The following UNC13A variants were observed in gnomAD, a reference collection of about 807,000 sequenced individuals.
The protein encoded by UNC13A is unc-13 homolog A, also known as protein unc-13 homolog A.
Under a neutral mutation model 219.7 loss-of-function variants are expected in UNC13A, and 61 were observed. That is an observed-to-expected ratio of 0.28 (90% CI 0.23 to 0.34). The LOEUF (loss-of-function observed/expected upper bound fraction) is 0.34. Ranked by LOEUF, UNC13A falls within the 10% of genes least tolerant of loss-of-function variation. UNC13A has a pLI of 1.00. For synonymous variants in UNC13A, 920 were observed against 884.6 expected (o/e 1.04, Z -0.71); for missense variants, 1,476 against 2,270.3 (o/e 0.65, Z 7.11).
rs1031026653 is a variant in UNC13A, at chr19:17,637,062, G to A, written c.3082-905C>T. Among the ~76,000 whole-genome samples the A allele has an allele frequency of 4.7e-5, 7 of 148,454 alleles. No homozygotes were observed. The East Asian group carries it at 6.0e-4, about 13-fold the overall frequency. On this transcript the variant is annotated intron_variant, in intron 25 of 43. Transcript: ENST00000519716. ...TGCAATCATGGCTCACCATAGACTC[G>A]AACTCCTGGGCTCAAGTGATCCTTC...
At chr19:17,633,888 CCCATCCAT>C (rs779313741) in intron 26 of UNC13A, among the ~76,000 whole-genome samples, 1 of 144,894 alleles carries the variant, frequency 6.9e-6, no homozygotes, top group Non-Finnish European at 1.5e-5. Context: ...CATCTATCCA[CCCATCCAT>C]CCATCCATCC....
At position 17,668,150 on chromosome 19, in the gene UNC13A, C is replaced by T. The variant is rs1301747296; in HGVS notation, c.435G>A (p.Leu145=). ...GGTCCCGCATAGCATTGAGCTGCTC[C>T]AGCTTCTTGGCCCAGTAGCGAGCCT... ...EEEARYWAKK[L]EQLNAMRDQD... Residue 145 remains leucine (L), a synonymous_variant, in exon 6 of 44, where the codon CTG becomes CTA. Transcript: ENST00000519716. 6.2e-7 allele frequency: 1 copy of T among 1,613,744 alleles called. No individual in the cohort carries two copies. The highest frequency in any genetic ancestry group is 1.1e-5 in the South Asian group (1 of 91,074).
Position 17,656,164 on chromosome 19 carries a change from C to T in UNC13A, c.1002G>A (p.Glu334=). ...LEEDLEDFLE[E]EELPEDEEEL... ...CCTCCTCATCTTCAGGCAGCTCCTC[C>T]TCCTCCAGGAAGTCCTCCAGGTCCT... is the stretch of plus-strand genomic sequence containing the variant. The change falls in exon 10 of 44, where the codon GAG becomes GAA. Residue 334 remains glutamate, a synonymous_variant. Coordinates refer to ENST00000519716, the MANE Select transcript of UNC13A (RefSeq NM_001080421.3). The T allele has an allele frequency of 6.4e-7, 1 of 1,552,326 alleles. No homozygotes were observed. The highest frequency in any genetic ancestry group is 8.7e-7 in the Non-Finnish European group (1 of 1,147,158).
chr19:17,672,029 T>A (rs1419185268), intron 4 of UNC13A, among the ~76,000 whole-genome samples: 3 of 152,132 alleles, frequency 2.0e-5, no homozygotes, highest in East Asian at 1.9e-4. Context: ...TTTCCCAGAA[T>A]CCCTTGCAGC....
rs553163623 is a variant in UNC13A, at chr19:17,647,107, G to A, written c.2044+158C>T. Among the ~76,000 whole-genome samples, 26 of 152,328 alleles carry A rather than the reference G, an allele frequency of 1.7e-4. No homozygotes were observed. The South Asian group carries it at 4.1e-3, about 24-fold the overall frequency. On this transcript the variant is annotated intron_variant, in intron 17 of 43. Coordinates refer to ENST00000519716, the MANE Select transcript of UNC13A (RefSeq NM_001080421.3). Reference sequence around the variant, plus strand: ...TGAACAGGCGTTTGGAGGCACGCATGTCCCCCCATATGCGTGCACACACGG... The same window carrying A: ...TGAACAGGCGTTTGGAGGCACGCATATCCCCCCATATGCGTGCACACACGG...
chr19:17,648,186 C>G (rs1354890571), intron 16 of UNC13A, among the ~76,000 whole-genome samples: 1 of 151,582 alleles, frequency 6.6e-6, no homozygotes, highest in South Asian at 2.1e-4. Context: ...TGCCCCACCC[C>G]TCTCTGACAC....
chr19:17,647,421 G>T lies in UNC13A; in HGVS notation c.1888C>A (p.Arg630Ser). The change falls in exon 17 of 44, where the codon CGC (arginine) becomes AGC (serine). Residue 630 changes from arginine to serine, a missense_variant. Physicochemically the swap from Arg to Ser is moderately radical, Grantham distance 110. Transcript: ENST00000519716. ...TTGTTGCGCTCCCGGATCTTCATGC[G>T]GTCCTTGAGCACCATGATGATGTTC... ...TQNIIMVLKD[R>S]MKIRERNKPE... The T allele has an allele frequency of 6.2e-7, 1 of 1,613,720 alleles. No homozygotes were observed.
At chr19:17,654,673 TC>T in intron 11 of UNC13A, among the ~76,000 whole-genome samples, 1 of 152,034 alleles carries the variant, frequency 6.6e-6, no homozygotes, top group Non-Finnish European at 1.5e-5. Flanking sequence ...TGATTCCTAC[TC>T]CCCTACTGAG....
At chr19:17,685,224 T>C (rs2080086146) in intron 1 of UNC13A, among the ~76,000 whole-genome samples, 1 of 152,096 alleles carries the variant, frequency 6.6e-6, no homozygotes, top group South Asian at 2.1e-4. Flanking sequence ...AGAGTCTCAC[T>C]GTGTTGCCCA....
At chr19:17,651,081 G>A (rs2079337223) in intron 12 of UNC13A, among the ~76,000 whole-genome samples, 1 of 151,760 alleles carries the variant, frequency 6.6e-6, no homozygotes, top group South Asian at 2.1e-4. Context: ...GGGATTACAG[G>A]TGCGCACCAC....
intron 28 of UNC13A, among the ~76,000 whole-genome samples, chr19:17,631,188 T>TTCCTCCC (rs751272969): frequency 2.4e-4 from 6 of 25,202 alleles, no homozygotes; most frequent in African/African-American, 1.1e-3. Context: ...CTTTCCTTCC[T>TTCCTCCC]TCCCTCCCTC....
At chr19:17,685,378 T>C (rs924962301) in intron 1 of UNC13A, among the ~76,000 whole-genome samples, 3 of 152,060 alleles carry the variant, frequency 2.0e-5, no homozygotes, top group Admixed American at 6.6e-5. Flanking sequence ...TTTTTAGCAG[T>C]GACAAAGTTT....
At chr19:17,662,578 G>C (rs1420275755) in intron 8 of UNC13A, among the ~76,000 whole-genome samples, 1 of 152,090 alleles carries the variant, frequency 6.6e-6, no homozygotes, top group Admixed American at 6.6e-5. Flanking sequence ...CCATGAAACT[G>C]GTCCCTTGTG....
At chr19:17,636,255 C>A in intron 25 of UNC13A, 98 bp from the exon 26 acceptor site, 2 of 1,379,774 alleles carry the variant, frequency 1.4e-6, no homozygotes. Flanking sequence ...AGGAATGCAT[C>A]CCATCATCAT....
intron 23 of UNC13A, 61 bp downstream of exon 23, chr19:17,639,779 T>C (rs2076948398): frequency 1.3e-6 from 2 of 1,587,300 alleles, no homozygotes; most frequent in Middle Eastern, 1.8e-4. Flanking sequence ...GCTGGTAGCT[T>C]TCCCCTCCAG....
At chr19:17,672,659 G>A (rs1390591188) in intron 3 of UNC13A, among the ~76,000 whole-genome samples, 164 bp from the exon 4 acceptor site, 1 of 152,042 alleles carries the variant, frequency 6.6e-6, no homozygotes, top group African/African-American at 2.4e-5. Flanking sequence ...TTTTATAGAG[G>A]GGAAACTGAG....
chr19:17,623,551 T>C lies in UNC13A; in HGVS notation c.4198-4A>G. On this transcript the variant is annotated splice_polypyrimidine_tract_variant and splice_region_variant and intron_variant, in intron 35 of 43. Transcript: ENST00000519716. ...ACGGGACTCTACTTACGATCATCTG[T>C]CATCCGTGATGGGGGCGGGGCGGTG... is the stretch of plus-strand genomic sequence containing the variant. The C allele has an allele frequency of 8.3e-7, 1 of 1,204,164 alleles. No individual in the cohort carries two copies. Among genetic ancestry groups the C allele is most frequent in the Non-Finnish European group, 1.1e-6 (1 of 882,808 alleles). 74.6% of individuals were successfully genotyped at this position (1,204,164 alleles called of 1,614,324 possible).
intron 10 of UNC13A, 80 bp from the exon 11 acceptor site, chr19:17,655,462 T>C: frequency 1.8e-6 from 2 of 1,103,472 alleles, no homozygotes; most frequent in East Asian, 5.2e-5. Flanking sequence ...GCTGTGCAAG[T>C]GATGCATAGC....
chr19:17,673,583 C>T (rs993841697), intron 3 of UNC13A, among the ~76,000 whole-genome samples: 2 of 150,478 alleles, frequency 1.3e-5, no homozygotes, highest in Non-Finnish European at 3.0e-5. Flanking sequence ...GTCCCAGCTA[C>T]TCGGGAGGCT....
Sources: allele counts gnomAD v4.1 joint callset (sites outside exome capture counted in the v4.1 genomes callset), GRCh38; gene constraint gnomAD v4.1.1; transcripts MANE v1.5; gene names NCBI Gene and HGNC (gene_info 2026-07-23, HGNC 2026-07-21).